The following KRABD4 variants were observed in gnomAD, a reference collection of about 807,000 sequenced individuals.
KRABD4 encodes KRAB domain containing 4, also known as KRAB domain-containing protein 4.
the KRABD4 span, among the ~76,000 whole-genome samples, chrX:46,467,559 A>T: frequency 5.4e-5 from 6 of 110,420 alleles, no homozygotes; most frequent in Non-Finnish European, 1.1e-4. Context: ...TGTCTCTCAA[A>T]AATAATAATA....
At chrX:46,472,732 T>C in the KRABD4 span, 2 of 1,203,332 alleles carry the variant, frequency 1.7e-6, no homozygotes, top group Non-Finnish European at 2.2e-6. Context: ...GTTTGATGAT[T>C]CATTCATTTT....
chrX:46,469,189 T>C, the KRABD4 span, among the ~76,000 whole-genome samples: 1 of 112,268 alleles, frequency 8.9e-6, no homozygotes, highest in African/African-American at 3.2e-5. Flanking sequence ...CTAGTCTAGG[T>C]CCTTGGTATT....
the KRABD4 span, among the ~76,000 whole-genome samples, chrX:46,469,892 GT>G: frequency 9.0e-6 from 1 of 110,826 alleles, no homozygotes; most frequent in Non-Finnish European, 1.9e-5. Context: ...TTTTCTGAAA[GT>G]TTTTTTTATT....
chrX:46,472,632 A>T, the KRABD4 span: 3 of 838,561 alleles, frequency 3.6e-6, no homozygotes, highest in African/African-American at 6.1e-5. Context: ...GTCCATCCAC[A>T]TCAGCTCAAG....
the KRABD4 span, among the ~76,000 whole-genome samples, chrX:46,466,230 G>C: frequency 4.5e-5 from 5 of 111,575 alleles, no homozygotes; most frequent in Non-Finnish European, 9.4e-5. Context: ...CTGTTTTATT[G>C]ATTTCTCCTT....
the KRABD4 span, chrX:46,472,306 T>G: frequency 8.0e-6 from 1 of 124,241 alleles, no homozygotes; most frequent in Admixed American, 8.1e-5. Context: ...TAGTTCCTAT[T>G]TTACACACAG....
chrX:46,447,852 G>A, the KRABD4 span, among the ~76,000 whole-genome samples: 1 of 110,189 alleles, frequency 9.1e-6, no homozygotes, highest in African/African-American at 3.4e-5. Context: ...TGTTTCCTGT[G>A]TGTCTCCCCC....
chrX:46,462,956 G>T, the KRABD4 span: 1 of 1,158,220 alleles, frequency 8.6e-7, no homozygotes, highest in Non-Finnish European at 1.2e-6. Context: ...CTGGGGCCTA[G>T]GAACAATGAG....
the KRABD4 span, chrX:46,456,369 TAATA>T: frequency 6.4e-5 from 7 of 108,675 alleles, no homozygotes; most frequent in Non-Finnish European, 1.1e-4. Flanking sequence ...ATTAATCATT[TAATA>T]AATTATCTCA....
chrX:46,454,223 C>A, the KRABD4 span: 1 of 164,803 alleles, frequency 6.1e-6, no homozygotes, highest in South Asian at 1.4e-4. Context: ...AGGTAAAATT[C>A]AGTGACAGCT....
At chrX:46,473,419 A>G in the KRABD4 span, 1 of 1,168,120 alleles carries the variant, frequency 8.6e-7, no homozygotes, top group Non-Finnish European at 1.1e-6. Context: ...GAGAGACCCT[A>G]TAAATGCAGT....
the KRABD4 span, among the ~76,000 whole-genome samples, chrX:46,457,705 A>T: frequency 2.3e-5 from 2 of 87,955 alleles, no homozygotes; most frequent in Admixed American, 1.4e-4. Context: ...TGCTCCTCCT[A>T]TGCTTTTCTG....
At chrX:46,474,625 T>C in the KRABD4 span, 1 of 111,654 alleles carries the variant, frequency 9.0e-6, no homozygotes, top group African/African-American at 3.3e-5. Flanking sequence ...ATTCAATAAA[T>C]GATAAAATTA....
the KRABD4 span, chrX:46,474,469 G>A: frequency 9.0e-6 from 1 of 111,177 alleles, no homozygotes; most frequent in African/African-American, 3.3e-5. Context: ...ATCCCCCATG[G>A]ATAAGGGAGG....
At chrX:46,471,226 T>G in the KRABD4 span, 1 of 1,127,638 alleles carries the variant, frequency 8.9e-7, no homozygotes. Context: ...CTCAAAGAAT[T>G]GACTGTTTTA....
At chrX:46,451,120 T>C in the KRABD4 span, among the ~76,000 whole-genome samples, 1 of 111,976 alleles carries the variant, frequency 8.9e-6, no homozygotes, top group Non-Finnish European at 1.9e-5. Flanking sequence ...CACTTGGTCT[T>C]TTTCATCATT....
the KRABD4 span, chrX:46,463,324 G>A: frequency 7.5e-5 from 90 of 1,194,577 alleles, no homozygotes; most frequent in East Asian, 8.6e-4. Context: ...TCAGGCCGGG[G>A]AAAGGAGACC....
chrX:46,466,308 C>T, the KRABD4 span, among the ~76,000 whole-genome samples: 13 of 111,610 alleles, frequency 1.2e-4, no homozygotes, highest in South Asian at 3.7e-4. Flanking sequence ...GCTTCTCCCC[C>T]GACATTTTAT....
the KRABD4 span, among the ~76,000 whole-genome samples, chrX:46,458,948 A>G: frequency 9.0e-6 from 1 of 111,274 alleles, no homozygotes; most frequent in Non-Finnish European, 1.9e-5. Context: ...CTGTTATGAT[A>G]AAAATTGACT....
Sources: allele counts gnomAD v4.1 joint callset (sites outside exome capture counted in the v4.1 genomes callset), GRCh38; gene constraint gnomAD v4.1.1; transcripts MANE v1.5; gene names NCBI Gene and HGNC (gene_info 2026-07-23, HGNC 2026-07-21).